Variants in RIOK2 observed in about 807,000 individuals in gnomAD.
RIOK2 encodes RIO kinase 2, also known as serine/threonine-protein kinase RIO2.
A neutral mutation model predicts 62.4 loss-of-function variants in RIOK2; 46 were observed. That is an observed-to-expected ratio of 0.74 (90% CI 0.58 to 0.94). The LOEUF is 0.94. RIOK2 is among the 40% of genes least tolerant of loss of function. The probability of loss-of-function intolerance (pLI) is 0.00; values close to 1 mark genes in which losing one functional copy is unlikely to be tolerated. For synonymous variants in RIOK2, 197 were observed against 216.0 expected (o/e 0.91, Z 0.77); for missense variants, 574 against 658.0 (o/e 0.87, Z 1.40).
Position 97,167,672 on chromosome 5 carries a change from G to C in RIOK2, c.1192C>G (p.Gln398Glu). 6.2e-7 allele frequency: 1 copy of C among 1,614,158 alleles called. No homozygotes were observed. The highest frequency in any genetic ancestry group is 1.1e-5 in the South Asian group (1 of 91,084). Residue 398 changes from glutamine to glutamate, a missense_variant, in exon 8 of 10, where the codon CAA (glutamine) becomes GAA (glutamate). Physicochemically the swap from Gln to Glu is conservative, Grantham distance 29. Transcript: ENST00000283109. ...TGCCCTTTTATTTCTTCTAAAGCTTGATTGAATTCAGTCATTTCAAAACTC... is the reference window on the plus strand; with the variant it reads ...TGCCCTTTTATTTCTTCTAAAGCTTCATTGAATTCAGTCATTTCAAAACTC... Reference protein sequence around the residue: ...ARSFEMTEFNQALEEIKGQVV... With the variant: ...ARSFEMTEFNEALEEIKGQVV...
chr5:97,176,578 C>T lies in RIOK2; in HGVS notation c.498+538G>A, dbSNP rs189509147. On this transcript the variant is annotated intron_variant, in intron 4 of 9. Transcript: ENST00000283109. ...GCTGGGCTCCTTACCTCAAGTAATC[C>T]GCCCACCTCGGCTTCCCAAAGTGCT... 5.9e-5 allele frequency among the ~76,000 whole-genome samples: 9 copies of T among 152,192 alleles called. No individual in the cohort carries two copies. In the East Asian group the frequency reaches 1.2e-3, roughly 20 times the overall value.
intron 4 of RIOK2, among the ~76,000 whole-genome samples, chr5:97,175,396 C>G (rs1749138407): frequency 6.6e-6 from 1 of 152,192 alleles, no homozygotes; most frequent in Non-Finnish European, 1.5e-5. Context: ...AGACCTCATG[C>G]TATAGCCCAA....
intron 6 of RIOK2, 82 bp from the exon 7 acceptor site, chr5:97,168,934 T>C: frequency 1.4e-6 from 1 of 711,282 alleles, no homozygotes; most frequent in Non-Finnish European, 2.3e-6. Flanking sequence ...TACTTATTGG[T>C]TAATGGTATT....
chr5:97,171,696 T>A (rs1407117901), intron 5 of RIOK2, among the ~76,000 whole-genome samples: 1 of 152,214 alleles, frequency 6.6e-6, no homozygotes, highest in East Asian at 1.9e-4. Context: ...AAACAGGCTT[T>A]TTATAACGTT....
intron 1 of RIOK2, among the ~76,000 whole-genome samples, chr5:97,181,523 A>C (rs73778024): frequency 0.012 from 1,882 of 152,272 alleles, 40 homozygotes; most frequent in African/African-American, 0.043. Context: ...GAGGAGCCAA[A>C]GAAGTAAAAG....
intron 4 of RIOK2, 174 bp downstream of exon 4, chr5:97,176,942 C>A (rs1347772103): frequency 3.5e-6 from 2 of 579,354 alleles, no homozygotes; most frequent in Non-Finnish European, 6.0e-6. Flanking sequence ...AGAAGGAAAT[C>A]ACTTAAAAGA....
At position 97,162,949 on chromosome 5, in the gene RIOK2, G is replaced by T; in HGVS notation, c.*112C>A. 1 of 867,764 alleles carries T rather than the reference G, an allele frequency of 1.2e-6. No homozygotes were observed. Among genetic ancestry groups the T allele is most frequent in the Admixed American group, 3.0e-5 (1 of 33,422 alleles). The allele number at this position is 867,764 out of a possible 1,614,324, so 53.8% of individuals were successfully genotyped here. ...TGACCAAATTTATAGATGAAAGAGGGTTTATTTATTAATATATGATAGCCT... is the reference window on the plus strand; with the variant it reads ...TGACCAAATTTATAGATGAAAGAGGTTTTATTTATTAATATATGATAGCCT... On this transcript the variant is annotated 3_prime_UTR_variant, in exon 10 of 10. Transcript: ENST00000283109.
At position 97,163,168 on chromosome 5, in the gene RIOK2, T is replaced by C; in HGVS notation, c.1552A>G (p.Arg518Gly). ...QLTKQQKSAV[R>G]RRLQKGEANI... is the part of the protein sequence containing the mutation. ...GCTTCTCCTTTCTGCAATCGACGTC[T>C]GACAGCTGATTTTTGCTGTTTTGTC... The change falls in exon 10 of 10, where the codon AGA (arginine) becomes GGA (glycine). Residue 518 changes from arginine to glycine, a missense_variant. Arg to Gly is a moderately radical substitution (Grantham distance 125, BLOSUM62 -2). Transcript: ENST00000283109. 1 of 1,613,714 alleles carries C rather than the reference T, an allele frequency of 6.2e-7. No homozygotes were observed.
intron 1 of RIOK2, among the ~76,000 whole-genome samples, chr5:97,182,162 T>C (rs1469791552): frequency 6.6e-6 from 1 of 151,856 alleles, no homozygotes; most frequent in African/African-American, 2.4e-5. Flanking sequence ...TTAATTTCTG[T>C]GCCATAAGAC....
intron 8 of RIOK2, chr5:97,166,931 T>C: frequency 1.1e-6 from 1 of 944,118 alleles, no homozygotes; most frequent in Non-Finnish European, 1.3e-6. Context: ...ATATATATTT[T>C]TGAGACGGAG....
At chr5:97,178,690 C>T (rs1245618614) in intron 2 of RIOK2, 1 of 272,000 alleles carries the variant, frequency 3.7e-6, no homozygotes, top group Admixed American at 6.1e-5. Context: ...CTGCAGTACT[C>T]TACCTGCTCT....
intron 8 of RIOK2, among the ~76,000 whole-genome samples, chr5:97,165,712 T>C (rs990780998): frequency 6.6e-6 from 1 of 152,190 alleles, no homozygotes; most frequent in African/African-American, 2.4e-5. Context: ...TGCTTTTACT[T>C]TGAATGGAAG....
chr5:97,171,468 T>C (rs746602335), intron 5 of RIOK2, 71 bp from the exon 6 acceptor site: 6 of 1,032,122 alleles, frequency 5.8e-6, no homozygotes, highest in Non-Finnish European at 8.1e-6. Flanking sequence ...TATGTATGCA[T>C]GTGAACATAT....
intron 1 of RIOK2, among the ~76,000 whole-genome samples, chr5:97,179,643 T>C (rs1749281116): frequency 6.6e-6 from 1 of 151,748 alleles, no homozygotes; most frequent in Non-Finnish European, 1.5e-5. Context: ...TAAAAAAGGA[T>C]GAGTTCATGC....
intron 1 of RIOK2, chr5:97,182,836 GT>G (rs1749460691): frequency 2.9e-6 from 1 of 342,996 alleles, no homozygotes; most frequent in Non-Finnish European, 5.6e-6. Flanking sequence ...GATCAGAGAA[GT>G]TTCCAGGCCA....
In RIOK2 at chr5:97,183,138, C is replaced by A; in HGVS notation, c.54G>T (p.Arg18Ser). 1 of 1,614,052 alleles carries A rather than the reference C, an allele frequency of 6.2e-7. No individual in the cohort carries two copies. Among genetic ancestry groups the A allele is most frequent in the Non-Finnish European group, 8.5e-7 (1 of 1,179,980 alleles). The change falls in exon 1 of 10, where the codon AGG becomes AGT. Residue 18 changes from arginine to serine, a missense_variant. Physicochemically the swap from Arg to Ser is moderately radical, Grantham distance 110. Coordinates refer to ENST00000283109, the MANE Select transcript of RIOK2 (RefSeq NM_018343.3). ...GCGGGTTTCTTACCGCGGTCAAGAC[C>A]CTGAAGTCATCTCGGCTCATGTAAC... ...KLRYMSRDDFRVLTAVEMGMK... is the reference protein window; with the variant it reads ...KLRYMSRDDFSVLTAVEMGMK...
intron 3 of RIOK2, 97 bp downstream of exon 3, chr5:97,177,635 G>A: frequency 1.3e-6 from 1 of 776,684 alleles, no homozygotes; most frequent in Non-Finnish European, 2.1e-6. Context: ...TTACTGTTTA[G>A]TTAGAAAAAA....
In RIOK2 at chr5:97,166,751, T is replaced by C. The variant is rs956864838; in HGVS notation, c.1397+716A>G. 4 of 985,468 alleles carry C rather than the reference T, an allele frequency of 4.1e-6. No homozygotes were observed. The African/African-American group carries it at 5.2e-5, about 13-fold the overall frequency. 61.0% of individuals were successfully genotyped at this position (985,468 alleles called of 1,614,324 possible). A position where few individuals can be genotyped will look rare whatever the true frequency, so the allele number is the denominator to read the frequency against. ...GAGAAAATTCACTGCAGATGTTTCA[T>C]ATAGAAAGTACATTTATTGCATGTT... On this transcript the variant is annotated intron_variant, in intron 8 of 9. Transcript: ENST00000283109.
intron 5 of RIOK2, among the ~76,000 whole-genome samples, chr5:97,171,787 C>T (rs184094306): frequency 1.3e-5 from 2 of 152,230 alleles, no homozygotes; most frequent in Admixed American, 6.5e-5. Flanking sequence ...TGATTATATT[C>T]TAAACAAACA....
Sources: gnomAD v4.1 joint callset for allele counts (sites outside exome capture counted in the v4.1 genomes callset) on GRCh38, gnomAD v4.1.1 for gene constraint, MANE v1.5 for transcripts, NCBI Gene and HGNC (gene_info 2026-07-23, HGNC 2026-07-21) for gene names.